Variants in BNIP2 observed in about 807,000 individuals in gnomAD.
The protein encoded by BNIP2 is BCL2 interacting protein 2.
In BNIP2, 36 loss-of-function variants were observed where a neutral mutation model predicts 43.4. The observed-to-expected ratio is 0.83, with a 90% confidence interval of 0.64 to 1.10. BNIP2 has a LOEUF of 1.10. Among genes scored for constraint, BNIP2 ranks in the 50% least tolerant of loss-of-function variants. The pLI, the probability that BNIP2 is intolerant of heterozygous loss-of-function variation, is 0.00. For missense variants in BNIP2, 417 were observed against 374.1 expected, an observed-to-expected ratio of 1.11 and a Z score of -0.95; for synonymous variants, 146 against 121.0, an observed-to-expected ratio of 1.21 and a Z score of -1.35.
chr15:59,660,805 A>G lies in BNIP2; in HGVS notation c.*3264T>C, dbSNP rs1892217986. 1 of 152,228 alleles carries G rather than the reference A, an allele frequency of 6.6e-6. No individual in the cohort carries two copies. The highest frequency in any genetic ancestry group is 2.1e-4 in the South Asian group (1 of 4,834). The allele number at this position is 152,228 out of a possible 1,614,324, so 9.4% of individuals were successfully genotyped here. On this transcript the variant is annotated 3_prime_UTR_variant, in exon 10 of 10. Transcript: ENST00000607373. ...TATGAAAAAACAAAAAAACCAACCA[A>G]AAACCCTCAATCCTAAACTTTTAAG...
rs534284264 is a variant in BNIP2 at position 59,678,811 on chromosome 15, G to T, written c.296-724C>A. On this transcript the variant is annotated intron_variant, in intron 4 of 9. Coordinates refer to ENST00000607373, the MANE Select transcript of BNIP2 (RefSeq NM_004330.4). ...TTGTTTCCAAGACAAAGCTGTTAAC[G>T]GAAAATATCCTTCCAGGAAATGACT... 3.1e-6 allele frequency: 4 copies of T among 1,302,370 alleles called. No individual in the cohort carries two copies. In the South Asian group the frequency reaches 5.0e-5, roughly 16 times the overall value. The allele number at this position is 1,302,370 out of a possible 1,614,324, so 80.7% of individuals were successfully genotyped here. A position where few individuals can be genotyped will look rare whatever the true frequency, so the allele number is the denominator to read the frequency against.
intron 2 of BNIP2, among the ~76,000 whole-genome samples, chr15:59,681,442 C>G (rs1326244792): frequency 6.8e-6 from 1 of 146,044 alleles, no homozygotes; most frequent in Non-Finnish European, 1.5e-5. Flanking sequence ...TGGGGGGGAA[C>G]CCACAAATTT....
intron 2 of BNIP2, among the ~76,000 whole-genome samples, chr15:59,681,359 C>A (rs945797397): frequency 2.6e-5 from 4 of 151,180 alleles, no homozygotes; most frequent in Non-Finnish European, 5.9e-5. Context: ...CAAATGCAAA[C>A]ATGTCAAGGT....
intron 1 of BNIP2, among the ~76,000 whole-genome samples, chr15:59,685,173 C>T (rs568530686): frequency 1.2e-4 from 18 of 152,290 alleles, no homozygotes; most frequent in Admixed American, 2.6e-4. Flanking sequence ...CTTTCAGCTG[C>T]TTAACCAATG....
Position 59,664,072 on chromosome 15 carries a change from C to A in BNIP2, c.942G>T (p.Gln314His). The change falls in exon 10 of 10, where the codon CAG (glutamine) becomes CAT (histidine). Residue 314 changes from glutamine to histidine, a missense_variant. Transcript: ENST00000607373. ...TTGTTTGGACTAGATGCCAAACTTA[C>A]TGTTCATTTTTCGGTTCATCTTGTT... Reference protein sequence around the residue: ...NGKQDEPKNEQ With the variant: ...NGKQDEPKNEH 2.6e-6 allele frequency: 4 copies of A among 1,548,342 alleles called. No homozygotes were observed. Among genetic ancestry groups the A allele is most frequent in the Non-Finnish European group, 3.5e-6 (4 of 1,144,208 alleles).
chr15:59,682,353 A>G, intron 2 of BNIP2, 55 bp downstream of exon 2: 1 of 1,509,002 alleles, frequency 6.6e-7, no homozygotes. Context: ...ACATCTCGAT[A>G]AAGAAATTTT....
chr15:59,679,451 T>C (rs2142010810), intron 4 of BNIP2, 141 bp downstream of exon 4: 1 of 987,150 alleles, frequency 1.0e-6, no homozygotes, highest in Non-Finnish European at 1.4e-6. Flanking sequence ...ACACACTTTT[T>C]AAGTCCTTGA....
At chr15:59,668,855 A>T in intron 9 of BNIP2, 37 bp downstream of exon 9, 1 of 1,523,264 alleles carries the variant, frequency 6.6e-7, no homozygotes, top group East Asian at 2.3e-5. Flanking sequence ...CAAAATGTTA[A>T]GATCCAATAC....
chr15:59,677,198 T>C, intron 5 of BNIP2: 1 of 1,595,988 alleles, frequency 6.3e-7, no homozygotes, highest in Non-Finnish European at 8.6e-7. Context: ...TGGAACCACA[T>C]GGGATATCCC....
intron 5 of BNIP2, among the ~76,000 whole-genome samples, chr15:59,676,019 G>T (rs1344852378): frequency 2.0e-5 from 3 of 152,114 alleles, no homozygotes; most frequent in Non-Finnish European, 4.4e-5. Context: ...ATTTTTAGGG[G>T]TATGGGTTTT....
In BNIP2 at chr15:59,672,625, A is replaced by C; in HGVS notation, c.575+12T>G. 1 of 1,590,992 alleles carries C rather than the reference A, an allele frequency of 6.3e-7. No homozygotes were observed. The highest frequency in any genetic ancestry group is 8.6e-7 in the Non-Finnish European group (1 of 1,160,022). ...AATTCTGTCCAAATGTTTTTGTTTAATATATACTTACTTAAAAAGATTGTC... is the reference window on the plus strand; with the variant it reads ...AATTCTGTCCAAATGTTTTTGTTTACTATATACTTACTTAAAAAGATTGTC... On this transcript the variant is annotated intron_variant, in intron 6 of 9. Transcript: ENST00000607373.
intron 1 of BNIP2, among the ~76,000 whole-genome samples, chr15:59,685,802 T>C (rs575148490): frequency 6.6e-6 from 1 of 152,320 alleles, no homozygotes; most frequent in South Asian, 2.1e-4. Context: ...GAGTACTGTT[T>C]CTTGGAAGCA....
At chr15:59,688,914 C>G in intron 1 of BNIP2, 2 of 1,462,454 alleles carry the variant, frequency 1.4e-6, no homozygotes, top group Non-Finnish European at 1.8e-6. Flanking sequence ...GCCAAACTGC[C>G]AAATACAAAC....
At chr15:59,676,743 A>T in intron 5 of BNIP2, 1 of 1,345,238 alleles carries the variant, frequency 7.4e-7, no homozygotes, top group Non-Finnish European at 1.0e-6. Context: ...TGCGGGCGGC[A>T]GAGTTGGGGT....
At chr15:59,682,003 G>A (rs1893708870) in intron 2 of BNIP2, among the ~76,000 whole-genome samples, 1 of 152,024 alleles carries the variant, frequency 6.6e-6, no homozygotes, top group Non-Finnish European at 1.5e-5. Flanking sequence ...TTACTTCCTA[G>A]TATCAAATGA....
At chr15:59,684,686 G>A (rs1374926535) in intron 1 of BNIP2, among the ~76,000 whole-genome samples, 7 of 152,156 alleles carry the variant, frequency 4.6e-5, no homozygotes, top group Admixed American at 2.0e-4. Context: ...ACTCTAAAGC[G>A]AATGATGTAT....
At chr15:59,679,835 A>C in intron 3 of BNIP2, 67 bp from the exon 4 acceptor site, 1 of 1,321,728 alleles carries the variant, frequency 7.6e-7, no homozygotes, top group African/African-American at 1.5e-5. Context: ...TTGAATAAGA[A>C]AAATTTTAAC....
chr15:59,669,250 T>A (rs758151044), intron 8 of BNIP2, 26 bp downstream of exon 8: 1 of 1,460,354 alleles, frequency 6.8e-7, no homozygotes, highest in South Asian at 1.3e-5. Context: ...AAAATAAAAT[T>A]AAAGTCAATG....
At position 59,662,280 on chromosome 15, in the gene BNIP2, T is replaced by C. The variant is rs1326512964; in HGVS notation, c.*1789A>G. On this transcript the variant is annotated 3_prime_UTR_variant, in exon 10 of 10. Transcript: ENST00000607373. ...CTAATGACAAATTCAATATAATTGT[T>C]TATACATAATCCTTATATGGTAAAT... is the stretch of plus-strand genomic sequence containing the variant. 6.6e-6 allele frequency: 1 copy of C among 152,256 alleles called. No homozygotes were observed. Among genetic ancestry groups the C allele is most frequent in the African/African-American group, 2.4e-5 (1 of 41,464 alleles). 9.4% of individuals were successfully genotyped at this position (152,256 alleles called of 1,614,324 possible).
Sources: gnomAD v4.1 joint callset for allele counts (sites outside exome capture counted in the v4.1 genomes callset) on GRCh38, gnomAD v4.1.1 for gene constraint, MANE v1.5 for transcripts, NCBI Gene and HGNC (gene_info 2026-07-23, HGNC 2026-07-21) for gene names.